The following PKD1L1 variants were observed in gnomAD, a reference collection of about 807,000 sequenced individuals.
PKD1L1 encodes polycystin 1 like 1, transient receptor potential channel interacting.
Under a neutral mutation model 323.4 loss-of-function variants are expected in PKD1L1, and 236 were observed. The observed-to-expected ratio is 0.73, with a 90% CI of 0.66 to 0.81. The LOEUF is 0.81. PKD1L1 is among the 40% of genes least tolerant of loss of function. PKD1L1 has a pLI of 0.00. For synonymous variants in PKD1L1, 1,344 were observed against 1,335.0 expected (o/e 1.01, Z -0.15); for missense variants, 3,320 against 3,508.0 (o/e 0.95, Z 1.35).
chr7:47,899,393 A>G (rs1787028244), intron 13 of PKD1L1, among the ~76,000 whole-genome samples: 1 of 150,332 alleles, frequency 6.7e-6, no homozygotes, highest in South Asian at 2.1e-4. Flanking sequence ...GCTCACTTTA[A>G]TAAGCCAATG....
intron 46 of PKD1L1, chr7:47,819,529 T>C (rs375301722): frequency 5.2e-6 from 7 of 1,358,542 alleles, no homozygotes; most frequent in East Asian, 9.3e-5. Context: ...GCACAGGCTG[T>C]GCACTTGCAC....
At chr7:47,811,712 G>A in intron 50 of PKD1L1, 105 bp downstream of exon 50, 7 of 853,916 alleles carry the variant, frequency 8.2e-6, no homozygotes, top group Non-Finnish European at 3.7e-6. Flanking sequence ...CGGAGGGGCA[G>A]GTGAATGGGT....
In PKD1L1 at chr7:47,817,567, G is replaced by C. The variant is rs888112317; in HGVS notation, c.6966-2110C>G. ...CCAATAATCTGTATATACTATAAAT[G>C]TGTTCGAAAATTTCCATATGGCTGG... On this transcript the variant is annotated intron_variant, in intron 46 of 56. Coordinates refer to ENST00000289672, the MANE Select transcript of PKD1L1 (RefSeq NM_138295.5). Among the ~76,000 whole-genome samples the C allele has an allele frequency of 5.9e-5, 9 of 152,162 alleles. 1 individual carries two copies. The South Asian group carries it at 1.9e-3, about 32-fold the overall frequency.
At chr7:47,929,086 G>C in intron 7 of PKD1L1, 118 bp downstream of exon 7, 1 of 1,069,682 alleles carries the variant, frequency 9.3e-7, no homozygotes, top group Non-Finnish European at 1.4e-6. Context: ...AGCCAGGAAG[G>C]TTGGCTGAGT....
chr7:47,866,303 T>C, intron 25 of PKD1L1, 116 bp downstream of exon 25: 1 of 1,119,010 alleles, frequency 8.9e-7, no homozygotes, highest in Non-Finnish European at 1.3e-6. Context: ...CCTCTTGGTC[T>C]CATTTCTTGC....
At chr7:47,875,131 C>G (rs1434929674) in intron 23 of PKD1L1, among the ~76,000 whole-genome samples, 1 of 152,196 alleles carries the variant, frequency 6.6e-6, no homozygotes, top group African/African-American at 2.4e-5. Flanking sequence ...CAAGAAAACT[C>G]AAGATCAAAC....
At chr7:47,808,478 T>C in intron 51 of PKD1L1, 91 bp from the exon 52 acceptor site, 1 of 1,486,676 alleles carries the variant, frequency 6.7e-7, no homozygotes, top group Non-Finnish European at 9.2e-7. Flanking sequence ...GTTACAGTCA[T>C]GAGTCACTTA....
chr7:47,829,438 C>A lies in PKD1L1; in HGVS notation c.6722G>T (p.Gly2241Val). 1 of 1,606,808 alleles carries A rather than the reference C, an allele frequency of 6.2e-7. No individual in the cohort carries two copies. Among genetic ancestry groups the A allele is most frequent in the Non-Finnish European group, 8.5e-7 (1 of 1,177,998 alleles). ...SSSCSIPDCA[G>V]EVEKVLAARQ... ...AATTTTTTTTACTTTTTCAACCTCG[C>A]CTGCACAGTCAGGAATACTGCAGCT... is the stretch of plus-strand genomic sequence containing the variant. The change falls in exon 44 of 57, where the codon GGC becomes GTC. Residue 2241 changes from glycine to valine, a missense_variant. Gly to Val is a moderately radical substitution (Grantham distance 109). Transcript: ENST00000289672.
chr7:47,866,272 A>T, intron 25 of PKD1L1, 147 bp downstream of exon 25: 7 of 684,738 alleles, frequency 1.0e-5, no homozygotes, highest in Non-Finnish European at 1.7e-5. Flanking sequence ...ACAGCCATGT[A>T]TGGGAGCTGA....
In PKD1L1 at chr7:47,839,714, G is replaced by T; in HGVS notation, c.5553-52C>A. On this transcript the variant is annotated intron_variant, in intron 35 of 56. Coordinates refer to ENST00000289672, the MANE Select transcript of PKD1L1 (RefSeq NM_138295.5). This position sits in a 1 kb window ranked among gnomAD's most constrained non-coding sequence, Gnocchi z 4.3. ...GCCGGGTGGGTGACAGTGTGGTCCTGGCATCCCATCAGCCCCAATGCTCAC... is the reference window on the plus strand; with the variant it reads ...GCCGGGTGGGTGACAGTGTGGTCCTTGCATCCCATCAGCCCCAATGCTCAC... The T allele has an allele frequency of 6.6e-7, 1 of 1,516,602 alleles. No homozygotes were observed. Among genetic ancestry groups the T allele is most frequent in the South Asian group, 1.2e-5 (1 of 81,286 alleles). 93.9% of individuals were successfully genotyped at this position (1,516,602 alleles called of 1,614,324 possible). A position where few individuals can be genotyped will look rare whatever the true frequency, so the allele number is the denominator to read the frequency against.
chr7:47,835,128 G>C lies in PKD1L1; in HGVS notation c.6054+5C>G. 1 of 1,600,946 alleles carries C rather than the reference G, an allele frequency of 6.2e-7. No homozygotes were observed. The highest frequency in any genetic ancestry group is 8.5e-7 in the Non-Finnish European group (1 of 1,172,478). On this transcript the variant is annotated splice_donor_5th_base_variant and intron_variant, in intron 38 of 56. Coordinates refer to ENST00000289672, the MANE Select transcript of PKD1L1 (RefSeq NM_138295.5). ...AACAGGGCCATGAGGACAAGTCGCAGGTACCTTGCTGAGCCTGAAGAGCAG... is the reference window on the plus strand; with the variant it reads ...AACAGGGCCATGAGGACAAGTCGCACGTACCTTGCTGAGCCTGAAGAGCAG...
chr7:47,797,927 GA>G (rs1483113918), intron 54 of PKD1L1, among the ~76,000 whole-genome samples: 2 of 151,960 alleles, frequency 1.3e-5, no homozygotes, highest in Non-Finnish European at 2.9e-5. Flanking sequence ...AAACAGTGAT[GA>G]AAAAAATCAA....
intron 13 of PKD1L1, among the ~76,000 whole-genome samples, chr7:47,899,949 C>G (rs1787047877): frequency 1.9e-5 from 1 of 51,674 alleles, no homozygotes; most frequent in South Asian, 4.5e-4. Context: ...GAGCGAGACT[C>G]CATCCCAAAA....
In PKD1L1 at chr7:47,842,954, C is replaced by G. The variant is rs781278961; in HGVS notation, c.5445+8G>C. The G allele has an allele frequency of 6.2e-7, 1 of 1,609,394 alleles. No individual in the cohort carries two copies. Among genetic ancestry groups the G allele is most frequent in the Admixed American group, 1.7e-5 (1 of 59,218 alleles). ...CCATCAAAGAGTACCCCCAGATGCT[C>G]GAGCTACCTTTGAGGTCAACCTGGC... On this transcript the variant is annotated splice_region_variant and intron_variant, in intron 34 of 56. Transcript: ENST00000289672.
chr7:47,930,829 AAAC>A, intron 6 of PKD1L1, among the ~76,000 whole-genome samples: 1 of 152,244 alleles, frequency 6.6e-6, no homozygotes, highest in East Asian at 1.9e-4. Flanking sequence ...ACAAACAAAC[AAAC>A]AACAACAACA....
At chr7:47,942,598 G>A (rs1424357739) in intron 2 of PKD1L1, among the ~76,000 whole-genome samples, 7 of 152,014 alleles carry the variant, frequency 4.6e-5, no homozygotes, top group African/African-American at 9.7e-5. Context: ...TGGCAATTAC[G>A]TTTCAGGCAA....
intron 7 of PKD1L1, among the ~76,000 whole-genome samples, chr7:47,917,310 T>C (rs1023537325): frequency 5.9e-5 from 9 of 152,000 alleles, no homozygotes; most frequent in African/African-American, 1.9e-4. Flanking sequence ...GAACAAAGCC[T>C]CCAAGAAGTC....
At chr7:47,902,157 C>G (rs556713142) in intron 13 of PKD1L1, among the ~76,000 whole-genome samples, 1 of 152,340 alleles carries the variant, frequency 6.6e-6, no homozygotes, top group Non-Finnish European at 1.5e-5. Flanking sequence ...CCAGAAATGA[C>G]ACTGTCTCCT....
chr7:47,879,947 A>AATT (rs370997655), intron 21 of PKD1L1, among the ~76,000 whole-genome samples: 1 of 147,536 alleles, frequency 6.8e-6, no homozygotes. Context: ...AAAATAAAAA[A>AATT]TAAAAAAAAA....
Sources: allele counts gnomAD v4.1 joint callset (sites outside exome capture counted in the v4.1 genomes callset), GRCh38; gene constraint gnomAD v4.1.1; non-coding constraint Gnocchi (gnomAD v3.1); transcripts MANE v1.5; gene names NCBI Gene and HGNC (gene_info 2026-07-23, HGNC 2026-07-21).